PTPRD: variants seen among roughly 807,000 people sequenced by gnomAD.
The protein encoded by PTPRD is protein tyrosine phosphatase receptor type D.
Under a neutral mutation model 214.5 loss-of-function variants are expected in PTPRD, and 34 were observed. The ratio of observed to expected loss-of-function variants is 0.16; its 90% CI spans 0.12 to 0.21. The LOEUF (loss-of-function observed/expected upper bound fraction) is 0.21, where lower values mean the gene tolerates loss of function less well. Among genes scored for constraint, PTPRD ranks in the 10% least tolerant of loss-of-function variants. The probability of loss-of-function intolerance (pLI) is 1.00; values close to 1 mark genes in which losing one functional copy is unlikely to be tolerated. For missense variants in PTPRD, 2,545 were observed against 2,398.7 expected (o/e 1.06, Z -1.27); for synonymous variants, 1,128 against 845.7 (o/e 1.33, Z -5.79).
At chr9:10,389,383 T>C (rs924867486) in intron 2 of PTPRD, among the ~76,000 whole-genome samples, 1 of 151,820 alleles carries the variant, frequency 6.6e-6, no homozygotes, top group African/African-American at 2.4e-5. Context: ...AATATAACAT[T>C]ACAAACTATT....
intron 10 of PTPRD, among the ~76,000 whole-genome samples, chr9:9,083,844 C>T (rs1038772838): frequency 6.6e-6 from 1 of 152,024 alleles, no homozygotes; most frequent in Non-Finnish European, 1.5e-5. Flanking sequence ...AAATCAAAAC[C>T]ACAACAAGAC....
intron 5 of PTPRD, among the ~76,000 whole-genome samples, chr9:9,770,601 C>G (rs2098744361): frequency 6.6e-6 from 1 of 152,004 alleles, no homozygotes; most frequent in African/African-American, 2.4e-5. Context: ...TTTCAAATGT[C>G]TCATTCCTAT....
chr9:9,848,030 C>T (rs1490016436), intron 5 of PTPRD, among the ~76,000 whole-genome samples: 1 of 152,062 alleles, frequency 6.6e-6, no homozygotes, highest in Non-Finnish European at 1.5e-5. Flanking sequence ...AGACTTTTCT[C>T]ATAAGAAAAG....
chr9:8,558,676 A>T (rs1167993124), intron 14 of PTPRD, among the ~76,000 whole-genome samples: 1 of 151,876 alleles, frequency 6.6e-6, no homozygotes, highest in Non-Finnish European at 1.5e-5. Context: ...GTTATCTAAT[A>T]AAAAATGTCT....
intron 44 of PTPRD, among the ~76,000 whole-genome samples, chr9:8,324,184 G>C (rs75784060): frequency 6.6e-6 from 1 of 151,548 alleles, no homozygotes; most frequent in Admixed American, 6.6e-5. Context: ...ATGCACCAGG[G>C]TGGTTTACTG....
intron 3 of PTPRD, among the ~76,000 whole-genome samples, chr9:10,293,166 G>A (rs571572250): frequency 1.3e-5 from 2 of 151,854 alleles, no homozygotes; most frequent in Admixed American, 1.3e-4. Context: ...CTCTGGCCTT[G>A]AATTCTTTAT....
intron 42 of PTPRD, 103 bp downstream of exon 42, chr9:8,340,240 A>G: frequency 1.5e-6 from 2 of 1,366,000 alleles, no homozygotes; most frequent in Non-Finnish European, 2.0e-6. Context: ...AGTGCACTGC[A>G]TTTCAAAAAA....
At chr9:9,460,363 C>T (rs765087637) in intron 8 of PTPRD, among the ~76,000 whole-genome samples, 1 of 151,748 alleles carries the variant, frequency 6.6e-6, no homozygotes, top group Non-Finnish European at 1.5e-5. Context: ...GCTTCTGTTC[C>T]GCAAGAGAAA....
intron 8 of PTPRD, among the ~76,000 whole-genome samples, chr9:9,440,907 A>G (rs1247763605): frequency 3.3e-5 from 5 of 152,146 alleles, no homozygotes; most frequent in Non-Finnish European, 5.9e-5. Flanking sequence ...CTACCCTAGG[A>G]TCAGCATTTG....
chr9:9,354,871 G>T (rs989536623), intron 9 of PTPRD, among the ~76,000 whole-genome samples: 1 of 151,594 alleles, frequency 6.6e-6, no homozygotes, highest in Non-Finnish European at 1.5e-5. Context: ...TGGAGGGTGA[G>T]GTAACAACTA....
At chr9:9,021,549 TA>T (rs992676862) in intron 10 of PTPRD, among the ~76,000 whole-genome samples, 1 of 151,480 alleles carries the variant, frequency 6.6e-6, no homozygotes, top group Non-Finnish European at 1.5e-5. Context: ...TCTTTCTACT[TA>T]AAAAAAATGT....
At chr9:10,061,919 T>C (rs2097783495) in intron 3 of PTPRD, among the ~76,000 whole-genome samples, 1 of 152,002 alleles carries the variant, frequency 6.6e-6, no homozygotes, top group African/African-American at 2.4e-5. Context: ...AGCAAATTAT[T>C]AGGCCCCACC....
intron 4 of PTPRD, among the ~76,000 whole-genome samples, chr9:9,952,517 T>C (rs2093549943): frequency 6.6e-6 from 1 of 152,108 alleles, no homozygotes; most frequent in South Asian, 2.1e-4. Context: ...TTCATTGCAA[T>C]GGAAGATTGT....
At position 10,474,798 on chromosome 9, in the gene PTPRD, T is replaced by C. The variant is rs781696475; in HGVS notation, c.-599-133781A>G. Reference sequence around the variant, plus strand: ...TAACAAACAGTCACTCAGACCACAGTGCAATCAAATTAGAACTCAGAAGTA... The same window carrying C: ...TAACAAACAGTCACTCAGACCACAGCGCAATCAAATTAGAACTCAGAAGTA... On this transcript the variant is annotated intron_variant, in intron 2 of 45. Transcript: ENST00000381196. Among the ~76,000 whole-genome samples, 48 of 152,046 alleles carry C rather than the reference T, an allele frequency of 3.2e-4. 1 individual carries two copies. Among genetic ancestry groups the C allele is most frequent in the Non-Finnish European group, 1.3e-4 (9 of 68,002 alleles).
chr9:9,469,126 GTATGAAAAGAATA>G (rs2094420970), intron 8 of PTPRD, among the ~76,000 whole-genome samples: 1 of 151,968 alleles, frequency 6.6e-6, no homozygotes, highest in South Asian at 2.1e-4. Flanking sequence ...TGAAGACTTA[GTATGAAAAGAATA>G]TATGAAATAT....
At chr9:8,902,782 G>A (rs1241249917) in intron 11 of PTPRD, among the ~76,000 whole-genome samples, 1 of 152,058 alleles carries the variant, frequency 6.6e-6, no homozygotes, top group Non-Finnish European at 1.5e-5. Context: ...GGTATACGGT[G>A]GTTAAAAAAT....
At chr9:9,433,945 G>T (rs999461381) in intron 8 of PTPRD, among the ~76,000 whole-genome samples, 1 of 152,068 alleles carries the variant, frequency 6.6e-6, no homozygotes, top group Non-Finnish European at 1.5e-5. Flanking sequence ...AAAACGCAGC[G>T]CAGTTTTCTT....
rs1372517509 is a variant in PTPRD at position 8,485,145 on chromosome 9, C to T, written c.3153+82G>A. ...CACGTGGCCAAAACAAAGTGGTCTG[C>T]TTGCTGTGCAAATAACTTACCCAGA... On this transcript the variant is annotated intron_variant, in intron 29 of 45. Coordinates refer to ENST00000381196, the MANE Select transcript of PTPRD (RefSeq NM_002839.4). The T allele has an allele frequency of 5.1e-6, 6 of 1,184,324 alleles. No homozygotes were observed. The Admixed American group carries it at 7.9e-5, about 16-fold the overall frequency. 73.4% of individuals were successfully genotyped at this position (1,184,324 alleles called of 1,614,324 possible).
rs7032026 is a variant in PTPRD at position 8,903,936 on chromosome 9, T to C, written c.-104+114761A>G. On this transcript the variant is annotated intron_variant, in intron 11 of 45. Transcript: ENST00000381196. ...AATGGCTCAAGGCAGTGTCTCATAGTAGATTTGTAAAGCAAGAAGTCTAAA... is the reference window on the plus strand; with the variant it reads ...AATGGCTCAAGGCAGTGTCTCATAGCAGATTTGTAAAGCAAGAAGTCTAAA... 2.6e-5 allele frequency among the ~76,000 whole-genome samples: 4 copies of C among 152,302 alleles called. No homozygotes were observed. The East Asian group carries it at 7.7e-4, about 29-fold the overall frequency.
Sources: gnomAD v4.1 joint callset for allele counts (sites outside exome capture counted in the v4.1 genomes callset) on GRCh38, gnomAD v4.1.1 for gene constraint, MANE v1.5 for transcripts, NCBI Gene and HGNC (gene_info 2026-07-23, HGNC 2026-07-21) for gene names.